The following NELL1 variants were observed in gnomAD, a reference collection of about 807,000 sequenced individuals.
The protein encoded by NELL1 is neural EGFL like 1.
Under a neutral mutation model 107.4 loss-of-function variants are expected in NELL1, and 76 were observed. That is an observed-to-expected ratio of 0.71 (90% CI 0.59 to 0.86). The LOEUF (loss-of-function observed/expected upper bound fraction) is 0.86. Ranked by LOEUF, NELL1 falls within the 40% of genes least tolerant of loss-of-function variation. The probability of loss-of-function intolerance (pLI) is 0.00; values close to 1 mark genes in which losing one functional copy is unlikely to be tolerated. For synonymous variants in NELL1, 353 were observed against 341.2 expected (o/e 1.03, Z -0.38); for missense variants, 1,024 against 1,005.5 (o/e 1.02, Z -0.25).
intron 14 of NELL1, among the ~76,000 whole-genome samples, chr11:21,259,009 A>G (rs973951624): frequency 2.0e-5 from 3 of 151,988 alleles, no homozygotes; most frequent in African/African-American, 7.2e-5. Flanking sequence ...CAGCAAAAAT[A>G]GAACGTCCCT....
intron 16 of NELL1, among the ~76,000 whole-genome samples, chr11:21,534,929 C>A (rs958531891): frequency 3.9e-5 from 6 of 152,212 alleles, no homozygotes; most frequent in African/African-American, 1.4e-4. Context: ...TCTTATACTG[C>A]AAGAGTCACT....
intron 2 of NELL1, among the ~76,000 whole-genome samples, chr11:20,707,498 G>T (rs1564872319): frequency 6.6e-6 from 1 of 152,184 alleles, no homozygotes; most frequent in Non-Finnish European, 1.5e-5. Context: ...CATCTTTGTG[G>T]TTTTATCTAC....
Position 21,360,182 on chromosome 11 carries a change from G to A in NELL1, c.1550-10671G>A, listed in dbSNP as rs1014648714. 9.9e-5 allele frequency among the ~76,000 whole-genome samples: 15 copies of A among 152,032 alleles called. No homozygotes were observed. In the East Asian group the frequency reaches 2.7e-3, roughly 27 times the overall value. The stretch of plus-strand genomic sequence containing the variant: ...TGCTGTATCCTAGAGATTCTGTTAC[G>A]TTGTGTCACCATTATCATTCAACTC... On this transcript the variant is annotated intron_variant, in intron 14 of 19. Coordinates refer to ENST00000357134, the MANE Select transcript of NELL1 (RefSeq NM_006157.5).
chr11:20,882,682 C>T (rs1849432290), intron 4 of NELL1, among the ~76,000 whole-genome samples: 1 of 152,174 alleles, frequency 6.6e-6, no homozygotes, highest in Non-Finnish European at 1.5e-5. Flanking sequence ...GCCCAGTTAG[C>T]AAAATCAGGA....
At chr11:21,415,160 A>G (rs1039413215) in intron 15 of NELL1, among the ~76,000 whole-genome samples, 4 of 152,118 alleles carry the variant, frequency 2.6e-5, no homozygotes, top group African/African-American at 4.8e-5. Context: ...AGAAACTCTT[A>G]TCTCTGAAAG....
chr11:21,208,642 C>T (rs1565111807), intron 13 of NELL1, among the ~76,000 whole-genome samples: 1 of 152,156 alleles, frequency 6.6e-6, no homozygotes. Context: ...AGAGCAGCTT[C>T]CAGTCCTGGA....
At chr11:21,148,991 C>T (rs1479877686) in intron 13 of NELL1, among the ~76,000 whole-genome samples, 1 of 152,152 alleles carries the variant, frequency 6.6e-6, no homozygotes, top group Non-Finnish European at 1.5e-5. Context: ...CTGTCTCTTT[C>T]TAACATCACT....
At chr11:20,717,588 G>A (rs1405538723) in intron 2 of NELL1, among the ~76,000 whole-genome samples, 1 of 152,038 alleles carries the variant, frequency 6.6e-6, no homozygotes, top group Non-Finnish European at 1.5e-5. Flanking sequence ...TCTTGACTGG[G>A]GTTTGAACTT....
chr11:21,300,913 A>G (rs2133971525), intron 14 of NELL1, among the ~76,000 whole-genome samples: 1 of 152,064 alleles, frequency 6.6e-6, no homozygotes, highest in East Asian at 1.9e-4. Context: ...ACCCCACAAC[A>G]GGCCCCAATG....
intron 12 of NELL1, among the ~76,000 whole-genome samples, chr11:21,041,753 G>T (rs11605578): frequency 3.0e-4 from 46 of 152,136 alleles, no homozygotes; most frequent in Non-Finnish European, 5.7e-4. Flanking sequence ...AACAAAATCA[G>T]GTGTATAGTG....
At chr11:21,523,397 T>C (rs1429082463) in intron 15 of NELL1, among the ~76,000 whole-genome samples, 1 of 152,194 alleles carries the variant, frequency 6.6e-6, no homozygotes, top group African/African-American at 2.4e-5. Context: ...TTTTGCATTT[T>C]TTTAAATATA....
At chr11:21,499,853 CCA>C (rs1409014809) in intron 15 of NELL1, among the ~76,000 whole-genome samples, 1 of 152,064 alleles carries the variant, frequency 6.6e-6, no homozygotes, top group East Asian at 1.9e-4. Flanking sequence ...CTGTCTAACA[CCA>C]GTCTTATTAC....
intron 13 of NELL1, among the ~76,000 whole-genome samples, chr11:21,133,427 A>C (rs1319686780): frequency 6.6e-6 from 1 of 152,048 alleles, no homozygotes; most frequent in African/African-American, 2.4e-5. Context: ...CCCACCCAGG[A>C]GCCTGTCTGC....
chr11:21,389,899 A>T (rs1238536018), intron 15 of NELL1, among the ~76,000 whole-genome samples: 1 of 151,780 alleles, frequency 6.6e-6, no homozygotes, highest in Non-Finnish European at 1.5e-5. Flanking sequence ...TTGGGTGACC[A>T]TATGTATGTA....
At chr11:20,806,019 T>A (rs1311480873) in intron 3 of NELL1, among the ~76,000 whole-genome samples, 1 of 152,160 alleles carries the variant, frequency 6.6e-6, no homozygotes, top group Non-Finnish European at 1.5e-5. Flanking sequence ...TTATAAGTAG[T>A]TTACTGACCA....
At chr11:20,756,866 T>C (rs1856305935) in intron 2 of NELL1, among the ~76,000 whole-genome samples, 1 of 152,152 alleles carries the variant, frequency 6.6e-6, no homozygotes, top group African/African-American at 2.4e-5. Context: ...TATTCAGTTC[T>C]GGGCAATGCA....
At chr11:21,309,661 C>T (rs1849705084) in intron 14 of NELL1, among the ~76,000 whole-genome samples, 1 of 151,986 alleles carries the variant, frequency 6.6e-6, no homozygotes, top group Admixed American at 6.6e-5. Context: ...AATGGAGTTA[C>T]AGTTCCACAT....
chr11:21,359,991 T>C (rs1851034690), intron 14 of NELL1, among the ~76,000 whole-genome samples: 1 of 152,166 alleles, frequency 6.6e-6, no homozygotes, highest in Admixed American at 6.5e-5. Context: ...TTTCATTTAG[T>C]TCTGCTCTGA....
intron 15 of NELL1, among the ~76,000 whole-genome samples, chr11:21,390,174 A>C (rs1368688738): frequency 6.6e-6 from 1 of 151,704 alleles, no homozygotes; most frequent in Non-Finnish European, 1.5e-5. Context: ...ATATATGCTT[A>C]TTGATCATTT....
Sources: gnomAD v4.1 joint callset for allele counts (sites outside exome capture counted in the v4.1 genomes callset) on GRCh38, gnomAD v4.1.1 for gene constraint, MANE v1.5 for transcripts, NCBI Gene and HGNC (gene_info 2026-07-23, HGNC 2026-07-21) for gene names.